Variants in GRIP1 observed in about 807,000 individuals in gnomAD.
The protein encoded by GRIP1 is glutamate receptor-interacting protein 1.
GRIP1 carries 45 observed loss-of-function variants against 129.9 expected under a neutral mutation model. The observed-to-expected ratio is 0.35, with a 90% CI of 0.27 to 0.44. The LOEUF (loss-of-function observed/expected upper bound fraction) is 0.44. GRIP1 is among the 20% of genes least tolerant of loss of function. The pLI is 1.00. For missense variants in GRIP1, 1,196 were observed against 1,396.8 expected, an observed-to-expected ratio of 0.86 and a Z score of 2.29; for synonymous variants, 530 against 520.8, an observed-to-expected ratio of 1.02 and a Z score of -0.24.
At chr12:66,599,778 T>C (rs1262960834) in intron 1 of GRIP1, among the ~76,000 whole-genome samples, 4 of 152,144 alleles carry the variant, frequency 2.6e-5, no homozygotes, top group African/African-American at 7.2e-5. Context: ...TTCATGCTTA[T>C]AAGGGATAAT....
chr12:67,002,435 T>C (rs1343269903), intron 1 of GRIP1, among the ~76,000 whole-genome samples: 1 of 152,240 alleles, frequency 6.6e-6, no homozygotes, highest in Non-Finnish European at 1.5e-5. Context: ...CACAGAATGC[T>C]GGTGTAGTGC....
intron 1 of GRIP1, among the ~76,000 whole-genome samples, chr12:66,841,508 G>A (rs2039715799): frequency 2.6e-5 from 4 of 152,188 alleles, no homozygotes; most frequent in Admixed American, 2.0e-4. Context: ...GATGTGAGAT[G>A]AAGCAGGGCA....
At chr12:67,000,546 A>G (rs926253649) in intron 1 of GRIP1, among the ~76,000 whole-genome samples, 3 of 152,178 alleles carry the variant, frequency 2.0e-5, no homozygotes, top group Admixed American at 6.5e-5. Flanking sequence ...TGTACTCTAT[A>G]AACTTCCATC....
At chr12:66,397,511 T>TAA (rs869155182) in intron 16 of GRIP1, among the ~76,000 whole-genome samples, 2 of 129,476 alleles carry the variant, frequency 1.5e-5, no homozygotes, top group African/African-American at 2.9e-5. Flanking sequence ...AGACACCCTC[T>TAA]AAAAAAAAAA....
intron 5 of GRIP1, among the ~76,000 whole-genome samples, chr12:66,525,321 G>A (rs2061187570): frequency 6.6e-6 from 1 of 152,122 alleles, no homozygotes; most frequent in Admixed American, 6.5e-5. Flanking sequence ...ACATCAAAAA[G>A]CTTATCCACC....
intron 2 of GRIP1, among the ~76,000 whole-genome samples, chr12:66,577,023 G>A (rs35881203): frequency 0.24 from 37,132 of 151,986 alleles, 4,632 homozygotes; most frequent in Admixed American, 0.28. Flanking sequence ...GACCAGCAGC[G>A]TGGCAAAGTG....
chr12:66,539,690 C>T (rs903089), intron 3 of GRIP1, among the ~76,000 whole-genome samples: 142 of 151,702 alleles, frequency 9.4e-4, no homozygotes, highest in Non-Finnish European at 1.7e-3. Context: ...CATTTCACCT[C>T]TTTCAATAAC....
intron 23 of GRIP1, among the ~76,000 whole-genome samples, chr12:66,363,403 G>A (rs957742826): frequency 2.1e-5 from 3 of 146,298 alleles, no homozygotes; most frequent in Non-Finnish European, 4.5e-5. Context: ...ACCACATCTG[G>A]CTTTTTTTTT....
chr12:66,710,201 T>G (rs1242979697), intron 1 of GRIP1, among the ~76,000 whole-genome samples: 2 of 151,948 alleles, frequency 1.3e-5, no homozygotes, highest in Non-Finnish European at 2.9e-5. Context: ...CAGAGTGTTT[T>G]TAAAAGTAGA....
At chr12:66,942,123 T>G (rs2041595787) in intron 1 of GRIP1, among the ~76,000 whole-genome samples, 1 of 152,192 alleles carries the variant, frequency 6.6e-6, no homozygotes, top group Non-Finnish European at 1.5e-5. Flanking sequence ...AGATAGGTAT[T>G]GTTGTGTTCA....
intron 1 of GRIP1, among the ~76,000 whole-genome samples, chr12:66,801,234 C>T (rs912122678): frequency 6.6e-6 from 1 of 152,008 alleles, no homozygotes; most frequent in East Asian, 1.9e-4. Context: ...AAGCATGCGT[C>T]TGTCTAGTTT....
chr12:66,557,386 C>T (rs532741963), intron 2 of GRIP1, among the ~76,000 whole-genome samples: 31 of 152,146 alleles, frequency 2.0e-4, no homozygotes, highest in African/African-American at 7.2e-4. Flanking sequence ...TAGCTGGTGA[C>T]CCTACTTTCA....
At chr12:66,869,316 C>G (rs1828993752) in intron 1 of GRIP1, among the ~76,000 whole-genome samples, 1 of 152,004 alleles carries the variant, frequency 6.6e-6, no homozygotes, top group Non-Finnish European at 1.5e-5. Context: ...CACTCATCTA[C>G]TAGAATTCAA....
chr12:67,067,852 C>A (rs1198681948), intron 1 of GRIP1, among the ~76,000 whole-genome samples: 1 of 152,160 alleles, frequency 6.6e-6, no homozygotes, highest in Non-Finnish European at 1.5e-5. Context: ...CCAGACTGGC[C>A]GGCCTCCTCT....
intron 1 of GRIP1, among the ~76,000 whole-genome samples, chr12:66,834,535 C>T (rs946834069): frequency 6.6e-6 from 1 of 152,150 alleles, no homozygotes; most frequent in Non-Finnish European, 1.5e-5. Flanking sequence ...CCAAGTTTTA[C>T]TTAAATAGTT....
chr12:66,936,237 T>C (rs775142802), intron 1 of GRIP1, among the ~76,000 whole-genome samples: 1 of 151,946 alleles, frequency 6.6e-6, no homozygotes, highest in Non-Finnish European at 1.5e-5. Flanking sequence ...CTGGGCAACA[T>C]AGTGAGACCT....
intron 1 of GRIP1, among the ~76,000 whole-genome samples, chr12:66,757,967 T>C (rs1486509709): frequency 6.6e-6 from 1 of 152,290 alleles, no homozygotes; most frequent in East Asian, 1.9e-4. Context: ...AAAAATCTTA[T>C]TATTTTTACC....
At chr12:66,888,966 G>T (rs2040611522) in intron 1 of GRIP1, among the ~76,000 whole-genome samples, 2 of 152,096 alleles carry the variant, frequency 1.3e-5, no homozygotes, top group African/African-American at 4.8e-5. Flanking sequence ...ATCATAATGG[G>T]ACATTAATAA....
intron 15 of GRIP1, among the ~76,000 whole-genome samples, chr12:66,406,997 T>C (rs1457387526): frequency 6.6e-6 from 1 of 152,128 alleles, no homozygotes; most frequent in Non-Finnish European, 1.5e-5. Flanking sequence ...TGGACCAGGG[T>C]AGGTCTGTTG....
Sources: allele counts gnomAD v4.1 joint callset (sites outside exome capture counted in the v4.1 genomes callset), GRCh38; gene constraint gnomAD v4.1.1; transcripts MANE v1.5; gene names NCBI Gene and HGNC (gene_info 2026-07-23, HGNC 2026-07-21).